GRM7: variants seen among roughly 807,000 people sequenced by gnomAD.
GRM7 encodes the protein metabotropic glutamate receptor 7.
GRM7 carries 35 observed loss-of-function variants against 84.5 expected under a neutral mutation model. That is an observed-to-expected ratio of 0.41 (90% confidence interval 0.32 to 0.55). GRM7 has a LOEUF of 0.55. GRM7 is among the 20% of genes least tolerant of loss of function. GRM7 has a pLI of 0.19. For missense variants in GRM7, 1,003 were observed against 1,194.6 expected, an observed-to-expected ratio of 0.84 and a Z score of 2.36; for synonymous variants, 487 against 455.1, an observed-to-expected ratio of 1.07 and a Z score of -0.89.
chr3:7,051,933 T>C (rs1383390984), intron 1 of GRM7, among the ~76,000 whole-genome samples: 1 of 151,792 alleles, frequency 6.6e-6, no homozygotes, highest in East Asian at 1.9e-4. Flanking sequence ...TTAATTCTTT[T>C]AGCTGTAAAA....
chr3:7,041,879 G>A (rs976200151), intron 1 of GRM7, among the ~76,000 whole-genome samples: 3 of 152,154 alleles, frequency 2.0e-5, no homozygotes, highest in African/African-American at 7.2e-5. Context: ...GGGGCAAGGG[G>A]GCAGAAGTGT....
chr3:7,646,648 C>G (rs563352096), intron 8 of GRM7, among the ~76,000 whole-genome samples: 1 of 151,844 alleles, frequency 6.6e-6, no homozygotes, highest in Admixed American at 6.6e-5. Context: ...TTCTCATGTC[C>G]AAAAAAAGAC....
At chr3:7,612,508 C>A (rs144869929) in intron 8 of GRM7, among the ~76,000 whole-genome samples, 1 of 151,952 alleles carries the variant, frequency 6.6e-6, no homozygotes, top group South Asian at 2.1e-4. Flanking sequence ...CATGTTTAGG[C>A]GGATCAGGAA....
intron 1 of GRM7, among the ~76,000 whole-genome samples, chr3:7,048,167 T>A (rs1217658398): frequency 2.0e-5 from 3 of 152,030 alleles, no homozygotes; most frequent in African/African-American, 7.2e-5. Context: ...TTGGCAAGCA[T>A]AGGAGATAAG....
At chr3:7,222,103 C>T (rs1444597306) in intron 2 of GRM7, among the ~76,000 whole-genome samples, 1 of 151,402 alleles carries the variant, frequency 6.6e-6, no homozygotes, top group Non-Finnish European at 1.5e-5. Flanking sequence ...GCCCCCGCAC[C>T]CAGCCAATAA....
intron 1 of GRM7, among the ~76,000 whole-genome samples, chr3:6,874,639 A>G (rs17046245): frequency 6.6e-6 from 1 of 152,202 alleles, no homozygotes; most frequent in Non-Finnish European, 1.5e-5. Context: ...CGGAGCTAGG[A>G]TATTCAAGCC....
chr3:7,687,989 G>A (rs989703323), intron 9 of GRM7, among the ~76,000 whole-genome samples: 29 of 151,972 alleles, frequency 1.9e-4, no homozygotes, highest in African/African-American at 3.9e-4. Flanking sequence ...CTGTATTCCC[G>A]TGAGATTTCA....
At chr3:7,396,665 T>A (rs1176958781) in intron 4 of GRM7, among the ~76,000 whole-genome samples, 1 of 152,148 alleles carries the variant, frequency 6.6e-6, no homozygotes, top group Non-Finnish European at 1.5e-5. Context: ...GCATTTGGGA[T>A]GGATGGGTAG....
At chr3:7,580,896 A>G (rs948671114) in intron 8 of GRM7, among the ~76,000 whole-genome samples, 5 of 152,146 alleles carry the variant, frequency 3.3e-5, no homozygotes, top group African/African-American at 4.8e-5. Flanking sequence ...AGAAGAAAAA[A>G]AAAATCCCCA....
intron 7 of GRM7, among the ~76,000 whole-genome samples, chr3:7,555,825 A>G (rs1029580957): frequency 3.9e-5 from 6 of 152,190 alleles, no homozygotes; most frequent in African/African-American, 1.4e-4. Context: ...TACTCCTGCC[A>G]TCTGTATAGC....
At chr3:7,103,756 T>TTCTTTCTTTCTCTC (rs1354394135) in intron 1 of GRM7, among the ~76,000 whole-genome samples, 1 of 32,426 alleles carries the variant, frequency 3.1e-5, no homozygotes, top group Admixed American at 3.0e-4. Context: ...CTCCCTTTCT[T>TTCTTTCTTTCTCTC]TCTTTCTTTC....
intron 7 of GRM7, among the ~76,000 whole-genome samples, chr3:7,493,936 C>T (rs1699611917): frequency 6.6e-6 from 1 of 151,860 alleles, no homozygotes; most frequent in South Asian, 2.1e-4. Context: ...ACTTGGAAAC[C>T]TTCCATTTAG....
intron 1 of GRM7, among the ~76,000 whole-genome samples, chr3:7,041,245 A>G (rs998838458): frequency 6.6e-6 from 1 of 152,156 alleles, no homozygotes; most frequent in African/African-American, 2.4e-5. Context: ...TAACAAGCAT[A>G]TCATCACTGC....
At chr3:7,460,556 T>C (rs766874648) in intron 6 of GRM7, among the ~76,000 whole-genome samples, 10 of 152,122 alleles carry the variant, frequency 6.6e-5, no homozygotes, top group Non-Finnish European at 1.3e-4. Flanking sequence ...TAGAGCATTG[T>C]TTTCCGCTGG....
chr3:7,138,723 A>G (rs534830102), intron 1 of GRM7, among the ~76,000 whole-genome samples: 1 of 151,920 alleles, frequency 6.6e-6, no homozygotes, highest in African/African-American at 2.4e-5. Context: ...ATTTAGATAT[A>G]CATTACATTA....
At chr3:7,300,970 T>C (rs1699978810) in intron 3 of GRM7, among the ~76,000 whole-genome samples, 1 of 152,230 alleles carries the variant, frequency 6.6e-6, no homozygotes, top group Non-Finnish European at 1.5e-5. Flanking sequence ...ATGAAATTCC[T>C]AACCTAATGC....
chr3:7,211,284 C>T (rs1696417396), intron 2 of GRM7, among the ~76,000 whole-genome samples: 1 of 152,172 alleles, frequency 6.6e-6, no homozygotes, highest in South Asian at 2.1e-4. Context: ...TCCAAAATAC[C>T]TGAGCTGCTT....
At chr3:7,243,537 C>G (rs1697642204) in intron 2 of GRM7, among the ~76,000 whole-genome samples, 1 of 152,080 alleles carries the variant, frequency 6.6e-6, no homozygotes, top group Admixed American at 6.6e-5. Flanking sequence ...TATAAAAACT[C>G]TTCTGACATC....
chr3:6,987,927 G>A (rs900685554), intron 1 of GRM7, among the ~76,000 whole-genome samples: 2 of 151,600 alleles, frequency 1.3e-5, no homozygotes, highest in African/African-American at 2.4e-5. Context: ...GGCCCATGGA[G>A]CTAGACTCTC....
Sources: allele counts gnomAD v4.1 joint callset (sites outside exome capture counted in the v4.1 genomes callset), GRCh38; gene constraint gnomAD v4.1.1; transcripts MANE v1.5; gene names NCBI Gene and HGNC (gene_info 2026-07-23, HGNC 2026-07-21).